Variants in CAMK2G observed in about 807,000 individuals in gnomAD.
The protein encoded by CAMK2G is calcium/calmodulin dependent protein kinase II gamma, also known as calcium/calmodulin-dependent protein kinase type II subunit gamma.
A neutral mutation model predicts 88.7 loss-of-function variants in CAMK2G; 23 were observed. That is an observed-to-expected ratio of 0.26 (90% CI 0.19 to 0.37). The LOEUF is 0.37. CAMK2G is among the 10% of genes least tolerant of loss of function. The probability of loss-of-function intolerance (pLI) is 1.00; values close to 1 mark genes in which losing one functional copy is unlikely to be tolerated. For synonymous variants in CAMK2G, 263 were observed against 294.8 expected (o/e 0.89, Z 1.11); for missense variants, 476 against 780.8 (o/e 0.61, Z 4.65).
At chr10:73,854,903 T>C (rs2094913494) in intron 3 of CAMK2G, among the ~76,000 whole-genome samples, 2 of 152,128 alleles carry the variant, frequency 1.3e-5, no homozygotes, top group Admixed American at 6.5e-5. Context: ...TCTAATCTAG[T>C]GACTCAACCC....
intron 13 of CAMK2G, 73 bp from the exon 14 acceptor site, chr10:73,837,584 T>TC: frequency 2.5e-6 from 3 of 1,220,306 alleles, no homozygotes; most frequent in Non-Finnish European, 2.4e-6. Flanking sequence ...GGCAGCCAGA[T>TC]CCACAAGAGA....
chr10:73,862,923 T>G (rs2095442883), intron 2 of CAMK2G, among the ~76,000 whole-genome samples: 1 of 152,210 alleles, frequency 6.6e-6, no homozygotes. Context: ...ATGCTATGAT[T>G]GTCCACATTT....
intron 2 of CAMK2G, among the ~76,000 whole-genome samples, chr10:73,865,154 T>A (rs1347870874): frequency 1.3e-5 from 2 of 152,214 alleles, no homozygotes; most frequent in African/African-American, 4.8e-5. Flanking sequence ...CCCAGGCAGA[T>A]GCAGGGTCTG....
At chr10:73,826,325 C>T (rs545494634) in intron 15 of CAMK2G, among the ~76,000 whole-genome samples, 1 of 152,160 alleles carries the variant, frequency 6.6e-6, no homozygotes, top group African/African-American at 2.4e-5. Flanking sequence ...CCCAGCTACT[C>T]GGGAGGCTGA....
At chr10:73,816,229 A>G (rs967046916) in intron 21 of CAMK2G, 2 of 987,718 alleles carry the variant, frequency 2.0e-6, no homozygotes, top group African/African-American at 3.5e-5. Flanking sequence ...TGTACACCCC[A>G]CCCCCTATAC....
intron 15 of CAMK2G, among the ~76,000 whole-genome samples, chr10:73,827,176 T>C (rs1485107800): frequency 1.3e-5 from 2 of 152,230 alleles, no homozygotes; most frequent in Admixed American, 6.5e-5. Flanking sequence ...GTCACCCAAG[T>C]GGCCCCACCT....
intron 14 of CAMK2G, among the ~76,000 whole-genome samples, chr10:73,832,963 CTCTCTT>C (rs2092681139): frequency 6.8e-5 from 6 of 88,132 alleles, no homozygotes; most frequent in Admixed American, 1.7e-4. Flanking sequence ...TTTTTCTTCT[CTCTCTT>C]TTTTTTTTTT....
chr10:73,824,152 C>T, intron 16 of CAMK2G, 68 bp from the exon 17 acceptor site: 6 of 1,190,224 alleles, frequency 5.0e-6, no homozygotes, highest in East Asian at 2.3e-5. Context: ...TGAGGAGCCC[C>T]ACCTGCACCC....
intron 2 of CAMK2G, among the ~76,000 whole-genome samples, chr10:73,867,677 G>A (rs1027720169): frequency 1.3e-5 from 2 of 152,198 alleles, no homozygotes; most frequent in African/African-American, 4.8e-5. Context: ...AGAGAGGTGG[G>A]TACAGACGGG....
At chr10:73,862,010 A>C (rs1191836186) in intron 2 of CAMK2G, among the ~76,000 whole-genome samples, 1 of 152,166 alleles carries the variant, frequency 6.6e-6, no homozygotes, top group Admixed American at 6.5e-5. Context: ...CATGGCTGTA[A>C]GCTTTGACCT....
In CAMK2G at chr10:73,813,695, C is replaced by G. The variant is rs2084660163; in HGVS notation, c.*823G>C. The G allele has an allele frequency of 6.5e-6, 1 of 152,864 alleles. No individual in the cohort carries two copies. Among genetic ancestry groups the G allele is most frequent in the African/African-American group, 2.4e-5 (1 of 41,462 alleles). 9.5% of individuals were successfully genotyped at this position (152,864 alleles called of 1,614,324 possible). Reference sequence around the variant, plus strand: ...AAGCAAAGCAGCAACAACCCCTCCCCCTCCTAGCTGCAGGGATAAGGCCTC... The same window carrying G: ...AAGCAAAGCAGCAACAACCCCTCCCGCTCCTAGCTGCAGGGATAAGGCCTC... On this transcript the variant is annotated 3_prime_UTR_variant, in exon 23 of 23. Coordinates refer to ENST00000423381, the MANE Select transcript of CAMK2G (RefSeq NM_001367534.1).
At position 73,815,065 on chromosome 10, in the gene CAMK2G, G is replaced by C. The variant is rs1473111998; in HGVS notation, c.1717C>G (p.Leu573Val). 6.2e-7 allele frequency: 1 copy of C among 1,614,176 alleles called. No homozygotes were observed. Among genetic ancestry groups the C allele is most frequent in the South Asian group, 1.1e-5 (1 of 91,076 alleles). The stretch of plus-strand genomic sequence containing the variant: ...CCTGAGCAGTGATAGTGGACATTGA[G>C]CCACTTGCCATCCCGACGGTGCCAG... ...RVWHRRDGKWLNVHYHCSGAP... is the reference protein window; with the variant it reads ...RVWHRRDGKWVNVHYHCSGAP... Residue 573 changes from leucine to valine, a missense_variant, in exon 22 of 23, where the codon CTC (leucine) becomes GTC (valine). By Grantham distance (32) the Leu-to-Val change is conservative. Transcript: ENST00000423381.
chr10:73,847,461 C>T lies in CAMK2G; in HGVS notation c.697-114G>A, dbSNP rs1261566923. The T allele has an allele frequency of 5.4e-5, 62 of 1,141,034 alleles. No homozygotes were observed. The South Asian group carries it at 8.9e-4, about 16-fold the overall frequency. The allele number at this position is 1,141,034 out of a possible 1,614,324, so 70.7% of individuals were successfully genotyped here. A position where few individuals can be genotyped will look rare whatever the true frequency, so the allele number is the denominator to read the frequency against. The stretch of plus-strand genomic sequence containing the variant: ...TTGGGATACTCTGTGGTACCTAAAG[C>T]TGTGACTGGCAGAGTTGGAGAAGCC... On this transcript the variant is annotated intron_variant, in intron 9 of 22. Coordinates refer to ENST00000423381, the MANE Select transcript of CAMK2G (RefSeq NM_001367534.1).
In CAMK2G at chr10:73,839,122, C is replaced by G. The variant is rs981670825; in HGVS notation, c.1009+417G>C. Among the ~76,000 whole-genome samples the G allele has an allele frequency of 1.3e-5, 2 of 152,220 alleles. No homozygotes were observed. Among genetic ancestry groups the G allele is most frequent in the African/African-American group, 2.4e-5 (1 of 41,454 alleles). ...TTCAGACCTGGAGGCCAGCAAGCGC[C>G]AGACTTCACAATTTTGAGGAGCGCG... On this transcript the variant is annotated intron_variant, in intron 13 of 22. Coordinates refer to ENST00000423381, the MANE Select transcript of CAMK2G (RefSeq NM_001367534.1). The surrounding 1 kb of genome is among the most constrained non-coding windows in gnomAD (Gnocchi z 4.2).
intron 14 of CAMK2G, among the ~76,000 whole-genome samples, chr10:73,836,783 C>T (rs2093287461): frequency 6.6e-6 from 1 of 152,162 alleles, no homozygotes; most frequent in African/African-American, 2.4e-5. Flanking sequence ...TGTCTTGGGC[C>T]CTGTGGGTAG....
chr10:73,864,865 C>T (rs1244932163), intron 2 of CAMK2G, among the ~76,000 whole-genome samples: 2 of 152,048 alleles, frequency 1.3e-5, no homozygotes, highest in African/African-American at 2.4e-5. Context: ...AGGATGGTCT[C>T]GATCTCCTGA....
intron 15 of CAMK2G, among the ~76,000 whole-genome samples, chr10:73,826,433 A>G (rs184854686): frequency 6.6e-6 from 1 of 152,308 alleles, no homozygotes; most frequent in East Asian, 1.9e-4. Context: ...ACTCCATCTC[A>G]AAAAACCAAA....
chr10:73,823,965 T>C (rs2090041502), intron 17 of CAMK2G, 75 bp downstream of exon 17: 1 of 1,163,948 alleles, frequency 8.6e-7, no homozygotes, highest in Admixed American at 1.7e-5. Flanking sequence ...GGGTGCAGCC[T>C]GTAGACCCCT....
rs2093899446 is a variant in CAMK2G, at chr10:73,842,722, CA to C, written c.820-182del. Among the ~76,000 whole-genome samples, 1 of 152,170 alleles carries C rather than the reference CA, an allele frequency of 6.6e-6. No homozygotes were observed. The highest frequency in any genetic ancestry group is 2.1e-4 in the South Asian group (1 of 4,828). ...TAGAATAAAAGCACTACCCGAAACTCAAGGTTACATAAGGACAACATGAACG... is the reference window on the plus strand; with the variant it reads ...TAGAATAAAAGCACTACCCGAAACTCAGGTTACATAAGGACAACATGAACG... On this transcript the variant is annotated intron_variant, in intron 10 of 22. Transcript: ENST00000423381. This position sits in a 1 kb window ranked among gnomAD's most constrained non-coding sequence, Gnocchi z 4.6.
Sources: allele counts gnomAD v4.1 joint callset (sites outside exome capture counted in the v4.1 genomes callset), GRCh38; gene constraint gnomAD v4.1.1; non-coding constraint Gnocchi (gnomAD v3.1); transcripts MANE v1.5; gene names NCBI Gene and HGNC (gene_info 2026-07-23, HGNC 2026-07-21).